The following YTHDF3 variants were observed in gnomAD, a reference collection of about 807,000 sequenced individuals.
The protein encoded by YTHDF3 is YTH N6-methyladenosine RNA binding protein F3.
A neutral mutation model predicts 52.5 loss-of-function variants in YTHDF3; 9 were observed. That is an observed-to-expected ratio of 0.17 (90% CI 0.10 to 0.30). The LOEUF is 0.30. Among genes scored for constraint, YTHDF3 ranks in the 10% least tolerant of loss-of-function variants. The pLI, the probability that YTHDF3 is intolerant of heterozygous loss-of-function variation, is 1.00. For synonymous variants in YTHDF3, 274 were observed against 243.3 expected (o/e 1.13, Z -1.18); for missense variants, 534 against 715.0 (o/e 0.75, Z 2.89).
chr8:63,203,600 G>T (rs1809788157), intron 4 of YTHDF3, among the ~76,000 whole-genome samples: 2 of 152,058 alleles, frequency 1.3e-5, no homozygotes, highest in African/African-American at 4.8e-5. Context: ...ACTAAGAAAT[G>T]AACATTGGTA....
intron 4 of YTHDF3, among the ~76,000 whole-genome samples, chr8:63,201,893 T>G (rs1809664910): frequency 6.6e-6 from 1 of 152,222 alleles, no homozygotes; most frequent in Non-Finnish European, 1.5e-5. Context: ...TTCCTTTGCT[T>G]GACTTTAAGA....
rs1808595962 is a variant in YTHDF3, at chr8:63,187,438, T to C, written c.1427T>C (p.Val476Ala). 7 of 1,613,802 alleles carry C rather than the reference T, an allele frequency of 4.3e-6. 1 individual carries two copies. The Middle Eastern group carries it at 4.9e-4, about 114-fold the overall frequency. Residue 476 changes from valine to alanine, a missense_variant, in exon 4 of 5, where the codon GTG becomes GCG. By Grantham distance (64) the Val-to-Ala change is moderately conservative. This residue lies in a region of YTHDF3 where 135 missense variants were observed against 214.2 expected (regional missense o/e 0.63). Coordinates refer to ENST00000539294, the MANE Select transcript of YTHDF3 (RefSeq NM_152758.6). ...SVNGSGHFCG[V>A]AEMKSVVDYN... The stretch of plus-strand genomic sequence containing the variant: ...AATGGCAGTGGACATTTTTGTGGAG[T>C]GGCTGAAATGAAGTCTGTTGTGGAC...
At chr8:63,198,930 C>T (rs1809411863) in intron 4 of YTHDF3, among the ~76,000 whole-genome samples, 1 of 152,064 alleles carries the variant, frequency 6.6e-6, no homozygotes, top group South Asian at 2.1e-4. Context: ...GTATGTAACA[C>T]ATTTGATACA....
In YTHDF3 at chr8:63,187,088, C is replaced by T. The variant is rs758446508; in HGVS notation, c.1077C>T (p.Asn359=). The T allele has an allele frequency of 1.9e-6, 3 of 1,613,842 alleles. No individual in the cohort carries two copies. The highest frequency in any genetic ancestry group is 2.5e-6 in the Non-Finnish European group (3 of 1,179,812). ...QLQNRWVAPR[N]RGAGFNQNNG... ...AGAATCGCTGGGTAGCTCCTCGTAA[C>T]AGGGGAGCAGGCTTCAACCAGAACA... The change falls in exon 4 of 5, where the codon AAC becomes AAT. Residue 359 remains asparagine (N), a synonymous_variant. Coordinates refer to ENST00000539294, the MANE Select transcript of YTHDF3 (RefSeq NM_152758.6).
chr8:63,180,747 G>A (rs1322328143), intron 3 of YTHDF3, among the ~76,000 whole-genome samples: 3 of 152,238 alleles, frequency 2.0e-5, no homozygotes, highest in Non-Finnish European at 2.9e-5. Context: ...CGAGGCTGGC[G>A]GATCACTCGC....
intron 4 of YTHDF3, among the ~76,000 whole-genome samples, chr8:63,206,538 A>G (rs1397054502): frequency 6.6e-6 from 1 of 152,152 alleles, no homozygotes; most frequent in East Asian, 1.9e-4. Context: ...GCTTTCAAAT[A>G]TATACTGAAT....
chr8:63,199,293 A>C (rs1376968059), intron 4 of YTHDF3, among the ~76,000 whole-genome samples: 2 of 152,160 alleles, frequency 1.3e-5, no homozygotes, highest in Non-Finnish European at 2.9e-5. Context: ...TGGTATATAC[A>C]GGGGATTATT....
intron 4 of YTHDF3, among the ~76,000 whole-genome samples, chr8:63,199,850 G>T (rs1397576066): frequency 3.9e-5 from 6 of 152,128 alleles, no homozygotes; most frequent in African/African-American, 9.7e-5. Context: ...GTTAGGGAAA[G>T]ATATCACAGC....
chr8:63,212,057 C>T lies in YTHDF3; in HGVS notation c.*2351C>T, dbSNP rs1585799168. On this transcript the variant is annotated 3_prime_UTR_variant, in exon 5 of 5. Coordinates refer to ENST00000539294, the MANE Select transcript of YTHDF3 (RefSeq NM_152758.6). Reference sequence around the variant, plus strand: ...CTGTGGGGACCAAAAGGGAGAGAGCCTGGGGTCTACAAGAGGAGACACATC... The same window carrying T: ...CTGTGGGGACCAAAAGGGAGAGAGCTTGGGGTCTACAAGAGGAGACACATC... 6.6e-6 allele frequency: 1 copy of T among 152,526 alleles called. No individual in the cohort carries two copies. The highest frequency in any genetic ancestry group is 2.4e-5 in the African/African-American group (1 of 41,414). The allele number at this position is 152,526 out of a possible 1,614,324, so 9.4% of individuals were successfully genotyped here.
chr8:63,169,837 T>C (rs1807169826), intron 2 of YTHDF3, among the ~76,000 whole-genome samples: 1 of 152,154 alleles, frequency 6.6e-6, no homozygotes, highest in Non-Finnish European at 1.5e-5. Context: ...TTAATGAAAA[T>C]TGTACTGTTA....
chr8:63,169,620 C>A, intron 2 of YTHDF3: 1 of 575,050 alleles, frequency 1.7e-6, no homozygotes, highest in Non-Finnish European at 3.1e-6. Context: ...CAAAGTAGTA[C>A]GAGAAACAGT....
intron 4 of YTHDF3, among the ~76,000 whole-genome samples, chr8:63,188,263 C>T (rs7828586): frequency 0.024 from 3,722 of 152,040 alleles, 150 homozygotes; most frequent in African/African-American, 0.085. Flanking sequence ...TCCCAAGTAG[C>T]TGGGACTACA....
rs1203412695 is a variant in YTHDF3, at chr8:63,190,426, T to C, written c.1734+2681T>C. Among the ~76,000 whole-genome samples the C allele has an allele frequency of 2.0e-5, 3 of 152,160 alleles. No individual in the cohort carries two copies. In the East Asian group the frequency reaches 5.8e-4, roughly 29 times the overall value. On this transcript the variant is annotated intron_variant, in intron 4 of 4. Transcript: ENST00000539294. ...ACAGGTATATATTGTAGCTGTATTA[T>C]TATATATATTGTAGCCATATACACA...
intron 4 of YTHDF3, among the ~76,000 whole-genome samples, chr8:63,192,830 TTAAA>T (rs1808998593): frequency 6.6e-6 from 1 of 151,938 alleles, no homozygotes; most frequent in African/African-American, 2.4e-5. Context: ...TTTTTTTTTT[TTAAA>T]TAAAAGTAGT....
Position 63,186,876 on chromosome 8 carries a change from C to A in YTHDF3, c.865C>A (p.Pro289Thr), listed in dbSNP as rs1251739533. ...WDEKGSVVKAPPTQPVLPPQT... is the reference protein window; with the variant it reads ...WDEKGSVVKATPTQPVLPPQT... ...TGAAAAAGGGTCAGTGGTAAAGGCTCCACCAACCCAACCAGTTCTGCCTCC... is the reference window on the plus strand; with the variant it reads ...TGAAAAAGGGTCAGTGGTAAAGGCTACACCAACCCAACCAGTTCTGCCTCC... The change falls in exon 4 of 5, where the codon CCA (proline) becomes ACA (threonine). Residue 289 changes from proline to threonine, a missense_variant. Physicochemically the swap from Pro to Thr is conservative, Grantham distance 38. Around this residue, in one of 3 missense-constraint regions of YTHDF3, gnomAD observed 203 missense variants for 201.3 expected, o/e 1.01. Transcript: ENST00000539294. 6.2e-7 allele frequency: 1 copy of A among 1,613,866 alleles called. No individual in the cohort carries two copies. Among genetic ancestry groups the A allele is most frequent in the African/African-American group, 1.3e-5 (1 of 74,912 alleles).
rs182025719 is a variant in YTHDF3, at chr8:63,198,702, C to T, written c.1734+10957C>T. Among the ~76,000 whole-genome samples, 268 of 152,224 alleles carry T rather than the reference C, an allele frequency of 1.8e-3. 2 individuals are homozygous for T. Among genetic ancestry groups the T allele is most frequent in the African/African-American group, 6.2e-3 (256 of 41,538 alleles). Reference sequence around the variant, plus strand: ...TGTGTTAACATAGAAGAAATTACTTCAAAAATAGTTATACTTATGACAACA... The same window carrying T: ...TGTGTTAACATAGAAGAAATTACTTTAAAAATAGTTATACTTATGACAACA... On this transcript the variant is annotated intron_variant, in intron 4 of 4. Coordinates refer to ENST00000539294, the MANE Select transcript of YTHDF3 (RefSeq NM_152758.6).
In YTHDF3 at chr8:63,168,825, G is replaced by T. The variant is rs560131544; in HGVS notation, c.-53G>T. ...CGACAGCCAACTGCTGTGAGTGCAC[G>T]GGGAGAGGCCCAGGCAGCGGCGGCG... On this transcript the variant is annotated 5_prime_UTR_variant, in exon 1 of 5. Transcript: ENST00000539294. 9 of 1,551,926 alleles carry T rather than the reference G, an allele frequency of 5.8e-6. No homozygotes were observed. The African/African-American group carries it at 9.6e-5, about 16-fold the overall frequency.
intron 3 of YTHDF3, among the ~76,000 whole-genome samples, chr8:63,176,327 G>C (rs964736230): frequency 6.6e-6 from 1 of 152,174 alleles, no homozygotes. Context: ...TGTCGCCCAG[G>C]CTGGAGTGCA....
At chr8:63,194,224 C>G (rs1295270446) in intron 4 of YTHDF3, among the ~76,000 whole-genome samples, 4 of 152,230 alleles carry the variant, frequency 2.6e-5, no homozygotes. Context: ...TGGCTCACGC[C>G]TGCAATCCCA....
Sources: allele counts gnomAD v4.1 joint callset (sites outside exome capture counted in the v4.1 genomes callset), GRCh38; gene constraint gnomAD v4.1.1; regional missense constraint gnomAD v4.1.1; transcripts MANE v1.5; gene names NCBI Gene and HGNC (gene_info 2026-07-23, HGNC 2026-07-21).